FANCB: variants seen among roughly 807,000 people sequenced by gnomAD.
The protein encoded by FANCB is FA complementation group B, also known as Fanconi anemia group B protein.
A neutral mutation model predicts 38.9 loss-of-function variants in FANCB; 5 were observed. That is an observed-to-expected ratio of 0.13 (90% CI 0.07 to 0.27). FANCB has a LOEUF of 0.27. FANCB is among the 10% of genes least tolerant of loss of function. FANCB has a pLI of 1.00. For missense variants in FANCB, 573 were observed against 602.7 expected, an observed-to-expected ratio of 0.95 and a Z score of 0.52; for synonymous variants, 236 against 215.4, an observed-to-expected ratio of 1.10 and a Z score of -0.84.
At chrX:14,855,815 G>A (rs945961789) in intron 5 of FANCB, among the ~76,000 whole-genome samples, 2 of 111,959 alleles carry the variant, frequency 1.8e-5, no homozygotes, top group African/African-American at 6.5e-5. Context: ...GATGCCTGGG[G>A]CACCACCAAT....
the FANCB span, among the ~76,000 whole-genome samples, chrX:14,757,483 A>C: frequency 4.5e-5 from 5 of 111,827 alleles, no homozygotes; most frequent in Admixed American, 9.5e-5. Flanking sequence ...GATTGCTGCT[A>C]CAAGCCCCTG....
At chrX:14,743,780 G>T in the FANCB span, among the ~76,000 whole-genome samples, 1 of 111,028 alleles carries the variant, frequency 9.0e-6, no homozygotes, top group East Asian at 2.8e-4. Context: ...CTCTGGAAAA[G>T]AACTCTTCCT....
the FANCB span, among the ~76,000 whole-genome samples, chrX:14,808,189 G>C: frequency 1.8e-5 from 2 of 111,908 alleles, no homozygotes; most frequent in Non-Finnish European, 3.8e-5. Context: ...GAGAGGAGGA[G>C]GGAATACTTC....
chrX:14,848,155 T>G (rs1054813248), intron 7 of FANCB, among the ~76,000 whole-genome samples: 1 of 111,537 alleles, frequency 9.0e-6, no homozygotes, highest in African/African-American at 3.3e-5. Context: ...CTGAAACTAT[T>G]GCTATGGAAT....
the FANCB span, among the ~76,000 whole-genome samples, chrX:14,823,654 T>C: frequency 8.9e-6 from 1 of 112,220 alleles, no homozygotes; most frequent in Non-Finnish European, 1.9e-5. Context: ...TTTCCTTACA[T>C]TGATGTTTTG....
the FANCB span, among the ~76,000 whole-genome samples, chrX:14,756,956 G>C: frequency 2.7e-5 from 3 of 111,441 alleles, no homozygotes; most frequent in African/African-American, 9.8e-5. Flanking sequence ...ATGGCCAACA[G>C]GGATATGAAT....
the FANCB span, among the ~76,000 whole-genome samples, chrX:14,790,993 T>G: frequency 9.0e-6 from 1 of 110,581 alleles, no homozygotes; most frequent in African/African-American, 3.3e-5. Flanking sequence ...CTGGATCCCA[T>G]CCCTGATTAA....
the FANCB span, among the ~76,000 whole-genome samples, chrX:14,785,256 C>T: frequency 2.7e-5 from 3 of 111,602 alleles, no homozygotes; most frequent in East Asian, 2.8e-4. Flanking sequence ...TTGTTAATCA[C>T]GTCTAGAAAG....
intron 5 of FANCB, among the ~76,000 whole-genome samples, chrX:14,857,269 C>T (rs1269893989): frequency 8.9e-6 from 1 of 112,264 alleles, no homozygotes; most frequent in Non-Finnish European, 1.9e-5. Context: ...AATCACATTT[C>T]TATGTAATGC....
chrX:14,809,294 G>A, the FANCB span, among the ~76,000 whole-genome samples: 3 of 112,564 alleles, frequency 2.7e-5, no homozygotes, highest in Admixed American at 9.3e-5. Context: ...TGAGGTACGG[G>A]GTTCATCTCA....
the FANCB span, among the ~76,000 whole-genome samples, chrX:14,775,160 G>GTTTTTTTT: frequency 5.4e-4 from 19 of 35,011 alleles, no homozygotes; most frequent in Non-Finnish European, 6.6e-4. Context: ...TTTCTCTAAT[G>GTTTTTTTT]TTTTTTTTTT....
At chrX:14,814,634 C>A in the FANCB span, among the ~76,000 whole-genome samples, 6 of 112,277 alleles carry the variant, frequency 5.3e-5, no homozygotes, top group South Asian at 2.2e-3. Context: ...CCATCTCACA[C>A]CAGTTAGAAT....
the FANCB span, among the ~76,000 whole-genome samples, chrX:14,699,259 T>G: frequency 1.8e-5 from 2 of 112,206 alleles, no homozygotes; most frequent in South Asian, 7.4e-4. Context: ...CCCACTTTCA[T>G]TTTATATCTG....
At chrX:14,815,337 G>T in the FANCB span, among the ~76,000 whole-genome samples, 1 of 106,111 alleles carries the variant, frequency 9.4e-6, no homozygotes, top group Admixed American at 1.0e-4. Flanking sequence ...AAAGTGGGGG[G>T]GAAGAATCCC....
At chrX:14,700,963 C>T in the FANCB span, among the ~76,000 whole-genome samples, 1 of 109,900 alleles carries the variant, frequency 9.1e-6, no homozygotes, top group Non-Finnish European at 1.9e-5. Context: ...GGTATTCCTT[C>T]TGATAACTGG....
chrX:14,835,075 C>G (rs1272148385), downstream of FANCB: 1 of 556,515 alleles, frequency 1.8e-6, no homozygotes, highest in East Asian at 3.3e-5. Flanking sequence ...TTTGGCTGTA[C>G]AGACATTTTC....
the FANCB span, among the ~76,000 whole-genome samples, chrX:14,719,481 A>C: frequency 8.9e-6 from 1 of 112,288 alleles, no homozygotes. Flanking sequence ...ATCAGAGAAA[A>C]GCAAATCAAA....
chrX:14,833,674 T>TTG (rs1375297861), downstream of FANCB, among the ~76,000 whole-genome samples: 1 of 103,616 alleles, frequency 9.7e-6, no homozygotes, highest in Non-Finnish European at 2.0e-5. Flanking sequence ...AGGCTGGGTG[T>TTG]GGGGGGGGTT....
chrX:14,826,520 GAA>G, the FANCB span, among the ~76,000 whole-genome samples: 1 of 112,412 alleles, frequency 8.9e-6, no homozygotes, highest in Non-Finnish European at 1.9e-5. Flanking sequence ...ACTCTTAAGT[GAA>G]AGTCATTTTT....
Sources: gnomAD v4.1 joint callset for allele counts (sites outside exome capture counted in the v4.1 genomes callset) on GRCh38, gnomAD v4.1.1 for gene constraint, MANE v1.5 for transcripts, NCBI Gene and HGNC (gene_info 2026-07-23, HGNC 2026-07-21) for gene names.